Variants in PPM1D observed in about 807,000 individuals in gnomAD.
The protein encoded by PPM1D is protein phosphatase 1D.
PPM1D carries 52 observed loss-of-function variants against 58.3 expected under a neutral mutation model. That is an observed-to-expected ratio of 0.89 (90% CI 0.71 to 1.12). The LOEUF is 1.12. Among genes scored for constraint, PPM1D ranks in the 50% most tolerant of loss-of-function variants. PPM1D has a pLI of 0.00. For missense variants in PPM1D, 564 were observed against 777.2 expected (o/e 0.73, Z 3.26); for synonymous variants, 278 against 285.1 (o/e 0.98, Z 0.25).
At chr17:60,628,172 C>A (rs978982383) in intron 2 of PPM1D, among the ~76,000 whole-genome samples, 4 of 152,120 alleles carry the variant, frequency 2.6e-5, no homozygotes, top group Non-Finnish European at 5.9e-5. Flanking sequence ...TTTTAAAAAT[C>A]CCTGCATAAT....
At chr17:60,657,242 C>T (rs2031458205) in intron 5 of PPM1D, 1 of 420,242 alleles carries the variant, frequency 2.4e-6, no homozygotes, top group Admixed American at 6.4e-5. Flanking sequence ...CATAGAGAAT[C>T]AAAATTGAGC....
chr17:60,648,305 TC>T (rs2031283748), intron 4 of PPM1D, among the ~76,000 whole-genome samples: 1 of 151,980 alleles, frequency 6.6e-6, no homozygotes, highest in Admixed American at 6.6e-5. Flanking sequence ...ACCACTGACT[TC>T]AGTATAAATT....
At chr17:60,616,725 G>A (rs1386925746) in intron 1 of PPM1D, among the ~76,000 whole-genome samples, 1 of 152,184 alleles carries the variant, frequency 6.6e-6, no homozygotes, top group Admixed American at 6.5e-5. Flanking sequence ...TATAATAAAG[G>A]TGACATTTCA....
At chr17:60,634,066 C>T (rs764722559) in intron 3 of PPM1D, 89 bp downstream of exon 3, 74 of 1,441,272 alleles carry the variant, frequency 5.1e-5, no homozygotes, top group Non-Finnish European at 6.4e-5. Context: ...TAAACCCTTA[C>T]TTGGCATATA....
At chr17:60,656,237 A>G (rs1337231288) in intron 4 of PPM1D, among the ~76,000 whole-genome samples, 1 of 103,010 alleles carries the variant, frequency 9.7e-6, no homozygotes, top group Admixed American at 1.0e-4. Context: ...GTGTGGATCG[A>G]GGTCAGGAGA....
chr17:60,650,461 G>C (rs1326281007), intron 4 of PPM1D, among the ~76,000 whole-genome samples: 1 of 151,866 alleles, frequency 6.6e-6, no homozygotes, highest in Non-Finnish European at 1.5e-5. Flanking sequence ...TGATGCAGGA[G>C]AATTGCTTGA....
intron 3 of PPM1D, among the ~76,000 whole-genome samples, chr17:60,645,554 ATG>A (rs562391281): frequency 0.02 from 2,600 of 129,436 alleles, 73 homozygotes; most frequent in African/African-American, 0.083. Flanking sequence ...ATGTATATAT[ATG>A]TGTGTGTATA....
chr17:60,607,726 A>G (rs1277816040), intron 1 of PPM1D, among the ~76,000 whole-genome samples: 4 of 152,230 alleles, frequency 2.6e-5, no homozygotes, highest in East Asian at 3.8e-4. Context: ...GCTCTGTGTC[A>G]TAGTCTTATC....
chr17:60,639,167 G>A (rs1651100135), intron 3 of PPM1D, among the ~76,000 whole-genome samples: 1 of 152,054 alleles, frequency 6.6e-6, no homozygotes, highest in South Asian at 2.1e-4. Context: ...CCAGGCTGGA[G>A]TGCATTGGCA....
Position 60,602,425 on chromosome 17 carries a change from A to T in PPM1D, c.472+1539A>T, listed in dbSNP as rs575975758. Among the ~76,000 whole-genome samples, 514 of 146,516 alleles carry T rather than the reference A, an allele frequency of 3.5e-3. 1 individual carries two copies. Among genetic ancestry groups the T allele is most frequent in the African/African-American group, 0.012 (481 of 40,234 alleles). ...ATAAACTCCGTTACATTAGTATTAA[A>T]TTTTTTTTTTTTTAAGAGACGGGCA... On this transcript the variant is annotated intron_variant, in intron 1 of 5. Transcript: ENST00000305921.
Position 60,664,836 on chromosome 17 carries a change from C to T in PPM1D, c.*1284C>T, listed in dbSNP as rs2031589701. 1 of 152,256 alleles carries T rather than the reference C, an allele frequency of 6.6e-6. No individual in the cohort carries two copies. Among genetic ancestry groups the T allele is most frequent in the African/African-American group, 2.4e-5 (1 of 41,456 alleles). 9.4% of individuals were successfully genotyped at this position (152,256 alleles called of 1,614,324 possible). A position where few individuals can be genotyped will look rare whatever the true frequency, so the allele number is the denominator to read the frequency against. On this transcript the variant is annotated 3_prime_UTR_variant, in exon 6 of 6. Coordinates refer to ENST00000305921, the MANE Select transcript of PPM1D (RefSeq NM_003620.4). ...TGTTTGTTTGAGATGGAGTCTCACTCTGTCATCCAGGCTAGAGTGCAGTGG... is the reference window on the plus strand; with the variant it reads ...TGTTTGTTTGAGATGGAGTCTCACTTTGTCATCCAGGCTAGAGTGCAGTGG...
At chr17:60,657,088 A>G (rs748482888) in intron 5 of PPM1D, 41 of 1,364,388 alleles carry the variant, frequency 3.0e-5, no homozygotes, top group East Asian at 5.9e-5. Flanking sequence ...ATCTAATGCT[A>G]TGAACATTAT....
intron 1 of PPM1D, among the ~76,000 whole-genome samples, chr17:60,605,869 C>T (rs375288608): frequency 6.8e-4 from 104 of 152,226 alleles, no homozygotes; most frequent in African/African-American, 1.9e-3. Context: ...CACGCCATTG[C>T]ACTCCAGCCT....
At chr17:60,629,499 C>T (rs1382470901) in intron 2 of PPM1D, among the ~76,000 whole-genome samples, 1 of 152,206 alleles carries the variant, frequency 6.6e-6, no homozygotes, top group Non-Finnish European at 1.5e-5. Flanking sequence ...AACCTCCTTT[C>T]AGGCTATAGT....
intron 4 of PPM1D, among the ~76,000 whole-genome samples, chr17:60,654,256 T>C (rs1349267221): frequency 1.3e-5 from 2 of 150,834 alleles, no homozygotes; most frequent in African/African-American, 4.9e-5. Context: ...GCTTTTTCAG[T>C]GTCTATTGAA....
At chr17:60,635,761 T>C (rs962040507) in intron 3 of PPM1D, among the ~76,000 whole-genome samples, 2 of 152,186 alleles carry the variant, frequency 1.3e-5, no homozygotes, top group Non-Finnish European at 2.9e-5. Context: ...TCTACATGTT[T>C]AGTTTTATTA....
intron 4 of PPM1D, among the ~76,000 whole-genome samples, chr17:60,650,123 T>A (rs151043282): frequency 6.5e-4 from 99 of 152,298 alleles, no homozygotes; most frequent in African/African-American, 2.1e-3. Flanking sequence ...ACAAGTCTTA[T>A]GAGACCTGGA....
In PPM1D at chr17:60,663,674, T is replaced by C. The variant is rs112343838; in HGVS notation, c.*122T>C. 0.012 allele frequency: 13,523 copies of C among 1,089,048 alleles called. 91 individuals are homozygous for C. Among genetic ancestry groups the C allele is most frequent in the Non-Finnish European group, 0.015 (12,029 of 782,664 alleles). The allele number at this position is 1,089,048 out of a possible 1,614,324, so 67.5% of individuals were successfully genotyped here. On this transcript the variant is annotated 3_prime_UTR_variant, in exon 6 of 6. Coordinates refer to ENST00000305921, the MANE Select transcript of PPM1D (RefSeq NM_003620.4). ...AAAAGAAATATACAGTTTGACTTTT[T>C]GGAATTCAGCAGTTTTATCCTGGCC...
At chr17:60,605,179 C>T (rs1014514044) in intron 1 of PPM1D, among the ~76,000 whole-genome samples, 1 of 152,220 alleles carries the variant, frequency 6.6e-6, no homozygotes, top group Admixed American at 6.5e-5. Flanking sequence ...AATGCAGTGA[C>T]TAATGGCTCA....
Sources: gnomAD v4.1 joint callset for allele counts (sites outside exome capture counted in the v4.1 genomes callset) on GRCh38, gnomAD v4.1.1 for gene constraint, MANE v1.5 for transcripts, NCBI Gene and HGNC (gene_info 2026-07-23, HGNC 2026-07-21) for gene names.